The following THSD7B variants were observed in gnomAD, a reference collection of about 807,000 sequenced individuals.
THSD7B encodes the protein thrombospondin type-1 domain-containing protein 7B.
In THSD7B, 138 loss-of-function variants were observed where a neutral mutation model predicts 213.6. The observed-to-expected ratio is 0.65, with a 90% CI of 0.56 to 0.74. THSD7B has a LOEUF of 0.74. Ranked by LOEUF, THSD7B falls within the 30% of genes least tolerant of loss-of-function variation. The pLI is 0.00. For synonymous variants in THSD7B, 742 were observed against 687.0 expected (o/e 1.08, Z -1.25); for missense variants, 1,931 against 1,991.5 (o/e 0.97, Z 0.58).
At chr2:137,007,648 C>T (rs1296440920) in intron 2 of THSD7B, among the ~76,000 whole-genome samples, 1 of 152,066 alleles carries the variant, frequency 6.6e-6, no homozygotes, top group Admixed American at 6.5e-5. Flanking sequence ...AAAGGTACAA[C>T]ACAATGAGAT....
At chr2:137,581,309 C>T (rs949641757) in intron 17 of THSD7B, among the ~76,000 whole-genome samples, 3 of 152,116 alleles carry the variant, frequency 2.0e-5, no homozygotes, top group Non-Finnish European at 4.4e-5. Context: ...AATTATAGGC[C>T]GGGTGCAGTG....
At chr2:137,448,304 G>C (rs976956593) in intron 14 of THSD7B, among the ~76,000 whole-genome samples, 1 of 152,194 alleles carries the variant, frequency 6.6e-6, no homozygotes, top group African/African-American at 2.4e-5. Context: ...ACTGGGACGA[G>C]GCCATCAACC....
chr2:137,452,793 G>T (rs1022151923), intron 15 of THSD7B, among the ~76,000 whole-genome samples: 2 of 152,124 alleles, frequency 1.3e-5, no homozygotes, highest in Non-Finnish European at 2.9e-5. Context: ...ATTTTGTGAA[G>T]GGATGACATG....
At chr2:137,246,682 C>A (rs1682047046) in intron 10 of THSD7B, among the ~76,000 whole-genome samples, 1 of 152,114 alleles carries the variant, frequency 6.6e-6, no homozygotes. Flanking sequence ...AACCAAAGGT[C>A]TATCAAGCTT....
rs763193017 is a variant in THSD7B, at chr2:137,451,004, A to T, written c.3119A>T (p.Lys1040Ile). ...TACAATGGAGGACGACCATGTCCCAAACTGGATCTCAAGAATCAGGTAAAG... is the reference window on the plus strand; with the variant it reads ...TACAATGGAGGACGACCATGTCCCATACTGGATCTCAAGAATCAGGTAAAG... ...KPYNGGRPCPKLDLKNQVHEA... is the reference protein window; with the variant it reads ...KPYNGGRPCPILDLKNQVHEA... The change falls in exon 15 of 28, where the codon AAA (lysine) becomes ATA (isoleucine). Residue 1040 changes from lysine (K) to isoleucine (I), a missense_variant. Physicochemically the swap from Lys to Ile is moderately radical, Grantham distance 102. Coordinates refer to ENST00000409968, the MANE Select transcript of THSD7B (RefSeq NM_001316349.2). 6.2e-7 allele frequency: 1 copy of T among 1,600,316 alleles called. No homozygotes were observed. The highest frequency in any genetic ancestry group is 1.3e-5 in the African/African-American group (1 of 74,562).
rs532012870 is a variant in THSD7B at position 137,164,492 on chromosome 2, G to A, written c.1525+4124G>A. On this transcript the variant is annotated intron_variant, in intron 6 of 27. Transcript: ENST00000409968. ...TGTGGCGATTCCTCAAGGATCTGGA[G>A]CTAGAAATACCATTTGACCCAGCCA... Among the ~76,000 whole-genome samples the A allele has an allele frequency of 2.6e-5, 4 of 152,120 alleles. No homozygotes were observed. In the South Asian group the frequency reaches 6.2e-4, roughly 24 times the overall value.
intron 14 of THSD7B, among the ~76,000 whole-genome samples, chr2:137,419,586 A>G (rs1686879168): frequency 6.6e-6 from 1 of 151,628 alleles, no homozygotes; most frequent in African/African-American, 2.4e-5. Flanking sequence ...TGGTTTGAGT[A>G]TGCAAAAAGA....
At chr2:136,869,854 A>G (rs1279823778) in intron 1 of THSD7B, among the ~76,000 whole-genome samples, 4 of 152,224 alleles carry the variant, frequency 2.6e-5, no homozygotes, top group South Asian at 2.1e-4. Context: ...CGGAAAGATC[A>G]TGAGGTCAGG....
At chr2:137,356,967 G>GAC (rs3048465) in intron 12 of THSD7B, among the ~76,000 whole-genome samples, 3,378 of 140,904 alleles carry the variant, frequency 0.024, 99 homozygotes, top group African/African-American at 0.071. Context: ...CACACACACA[G>GAC]ACACACACAC....
intron 1 of THSD7B, among the ~76,000 whole-genome samples, chr2:136,857,121 A>T (rs1038704121): frequency 2.0e-5 from 3 of 152,240 alleles, no homozygotes; most frequent in Non-Finnish European, 4.4e-5. Flanking sequence ...TTTTATAAAA[A>T]TGATTTGCTA....
intron 1 of THSD7B, among the ~76,000 whole-genome samples, chr2:136,837,296 C>T (rs184803907): frequency 2.7e-4 from 41 of 152,310 alleles, no homozygotes; most frequent in Admixed American, 2.6e-3. Flanking sequence ...TATTTATTTT[C>T]TACCACTCTC....
chr2:137,110,187 C>T (rs959593405), intron 4 of THSD7B, among the ~76,000 whole-genome samples: 2 of 152,140 alleles, frequency 1.3e-5, no homozygotes, highest in African/African-American at 2.4e-5. Flanking sequence ...GTCTGTCTAT[C>T]CCACCAGAAG....
At chr2:136,989,145 G>A (rs976897227) in intron 2 of THSD7B, among the ~76,000 whole-genome samples, 15 of 152,202 alleles carry the variant, frequency 9.9e-5, no homozygotes, top group African/African-American at 3.4e-4. Flanking sequence ...GTGAGAATTT[G>A]TTAGATGGGT....
At chr2:136,773,891 T>C (rs1488475289) in intron 1 of THSD7B, among the ~76,000 whole-genome samples, 1 of 142,982 alleles carries the variant, frequency 7.0e-6, no homozygotes, top group Non-Finnish European at 1.5e-5. Flanking sequence ...ATAATCTATT[T>C]AAAAAAAAAA....
chr2:136,987,571 G>C (rs1417446180), intron 2 of THSD7B, among the ~76,000 whole-genome samples: 1 of 152,168 alleles, frequency 6.6e-6, no homozygotes, highest in East Asian at 1.9e-4. Context: ...GAGAGACAGA[G>C]AAGGGCCAGA....
At chr2:136,938,024 C>G (rs1281417488) in intron 2 of THSD7B, among the ~76,000 whole-genome samples, 1 of 152,092 alleles carries the variant, frequency 6.6e-6, no homozygotes, top group East Asian at 1.9e-4. Flanking sequence ...AATACGTATA[C>G]TTTAAGAGGT....
intron 9 of THSD7B, among the ~76,000 whole-genome samples, chr2:137,239,198 A>G (rs937077204): frequency 1.3e-5 from 2 of 152,150 alleles, no homozygotes; most frequent in African/African-American, 2.4e-5. Flanking sequence ...AGAGAAATCT[A>G]TACACCCTTC....
In THSD7B at chr2:137,218,982, G is replaced by GA. The variant is rs5834540; in HGVS notation, c.1724-12052dup. 8.1e-4 allele frequency among the ~76,000 whole-genome samples: 122 copies of GA among 149,730 alleles called. 1 individual carries two copies. Among genetic ancestry groups the GA allele is most frequent in the Admixed American group, 4.9e-3 (74 of 15,008 alleles). On this transcript the variant is annotated intron_variant, in intron 7 of 27. Transcript: ENST00000409968. ...ATACTTTTTTTTCAACTGAGTTTGT[G>GA]AAAAAAAAAATAGAAAATTGAGATA... is the stretch of plus-strand genomic sequence containing the variant.
chr2:137,575,283 C>T (rs1216831337), intron 17 of THSD7B, among the ~76,000 whole-genome samples: 1 of 151,996 alleles, frequency 6.6e-6, no homozygotes, highest in Non-Finnish European at 1.5e-5. Context: ...CACAAAGCCC[C>T]CTCCCACTTA....
Sources: gnomAD v4.1 joint callset for allele counts (sites outside exome capture counted in the v4.1 genomes callset) on GRCh38, gnomAD v4.1.1 for gene constraint, MANE v1.5 for transcripts, NCBI Gene and HGNC (gene_info 2026-07-23, HGNC 2026-07-21) for gene names.